The following PAPPA2 variants were observed in gnomAD, a reference collection of about 807,000 sequenced individuals.
The protein encoded by PAPPA2 is pappalysin-2.
In PAPPA2, 86 loss-of-function variants were observed where a neutral mutation model predicts 176.4. The ratio of observed to expected loss-of-function variants is 0.49; its 90% CI spans 0.41 to 0.58. The LOEUF (loss-of-function observed/expected upper bound fraction) is 0.58, where lower values mean the gene tolerates loss of function less well. Among genes scored for constraint, PAPPA2 ranks in the 20% least tolerant of loss-of-function variants. The probability of loss-of-function intolerance (pLI) is 0.00; values close to 1 mark genes in which losing one functional copy is unlikely to be tolerated. For missense variants in PAPPA2, 2,073 were observed against 2,256.9 expected, an observed-to-expected ratio of 0.92 and a Z score of 1.65; for synonymous variants, 809 against 852.2, an observed-to-expected ratio of 0.95 and a Z score of 0.88.
intron 2 of PAPPA2, among the ~76,000 whole-genome samples, chr1:176,558,676 A>AATGAG (rs1651474919): frequency 6.6e-6 from 1 of 152,166 alleles, no homozygotes; most frequent in Non-Finnish European, 1.5e-5. Context: ...TGGAAGAAAT[A>AATGAG]ATGAGATGAT....
rs57185368 is a variant in PAPPA2, at chr1:176,791,173, ATTTTTTTTT to A, written c.4885-154_4885-146del. Among the ~76,000 whole-genome samples the A allele has an allele frequency of 4.0e-4, 32 of 80,880 alleles. 1 individual carries two copies. Among genetic ancestry groups the A allele is most frequent in the African/African-American group, 1.7e-3 (28 of 16,586 alleles). The allele number at this position is 80,880 out of a possible 152,430, so 53.1% of individuals were successfully genotyped here. On this transcript the variant is annotated intron_variant, in intron 18 of 22. Transcript: ENST00000367662. The stretch of plus-strand genomic sequence containing the variant: ...TTCCTCTGCTTGGAAAAAGCAAAGA[ATTTTTTTTT>A]TTTTTTTTTTTTTTTTTTTGGCCAG...
chr1:176,709,780 C>T (rs532976668), intron 10 of PAPPA2, among the ~76,000 whole-genome samples: 1 of 152,208 alleles, frequency 6.6e-6, no homozygotes, highest in East Asian at 1.9e-4. Context: ...CTACCTTTCT[C>T]CCAATGAGAA....
intron 2 of PAPPA2, among the ~76,000 whole-genome samples, chr1:176,562,022 C>T (rs1355696793): frequency 1.3e-5 from 2 of 152,106 alleles, no homozygotes; most frequent in African/African-American, 2.4e-5. Context: ...AAAAACCCAC[C>T]CCCATGATTC....
Position 176,594,576 on chromosome 1 carries a change from G to C in PAPPA2, c.972G>C (p.Gly324=), listed in dbSNP as rs1436668161. 1.2e-6 allele frequency: 2 copies of C among 1,614,202 alleles called. No homozygotes were observed. Among genetic ancestry groups the C allele is most frequent in the Non-Finnish European group, 1.7e-6 (2 of 1,180,034 alleles). The change falls in exon 3 of 23, where the codon GGG becomes GGC. Residue 324 remains glycine, a synonymous_variant. Transcript: ENST00000367662. The stretch of plus-strand genomic sequence containing the variant: ...TCAGTGACAAAGGCTGGGCCCTGGG[G>C]ATCCGCTCAGGGAAGGACAAGGGAA... ...HTVSDKGWAL[G]IRSGKDKGKR...
chr1:176,589,905 C>T (rs1023014840), intron 2 of PAPPA2, among the ~76,000 whole-genome samples: 1 of 152,168 alleles, frequency 6.6e-6, no homozygotes, highest in African/African-American at 2.4e-5. Context: ...GTAATTTTTC[C>T]TTTGAAACAA....
rs886845212 is a variant in PAPPA2 at position 176,665,765 on chromosome 1, A to T, written c.1992-5205A>T. Reference sequence around the variant, plus strand: ...GAAACTCAACCCTTCTTGCAAATCTACTCATAGAAAAACAAGTCAACAGAT... The same window carrying T: ...GAAACTCAACCCTTCTTGCAAATCTTCTCATAGAAAAACAAGTCAACAGAT... On this transcript the variant is annotated intron_variant, in intron 3 of 22. Coordinates refer to ENST00000367662, the MANE Select transcript of PAPPA2 (RefSeq NM_020318.3). Among the ~76,000 whole-genome samples, 7 of 152,120 alleles carry T rather than the reference A, an allele frequency of 4.6e-5. No homozygotes were observed. The East Asian group carries it at 1.4e-3, about 29-fold the overall frequency.
chr1:176,711,733 C>A, intron 11 of PAPPA2, 102 bp from the exon 12 acceptor site: 3 of 1,336,474 alleles, frequency 2.2e-6, no homozygotes, highest in Non-Finnish European at 3.1e-6. Flanking sequence ...ATTAGGCATT[C>A]AGAAAGAGAG....
At chr1:176,603,196 T>A (rs1654421290) in intron 3 of PAPPA2, among the ~76,000 whole-genome samples, 1 of 152,222 alleles carries the variant, frequency 6.6e-6, no homozygotes, top group East Asian at 1.9e-4. Context: ...GGAGTTGGGG[T>A]GCTATCCCTG....
At chr1:176,474,462 C>G (rs889150028) in intron 1 of PAPPA2, among the ~76,000 whole-genome samples, 1 of 152,164 alleles carries the variant, frequency 6.6e-6, no homozygotes, top group Non-Finnish European at 1.5e-5. Context: ...AGGAAATGAG[C>G]TGGATGTTTT....
chr1:176,654,542 T>C (rs573262155), intron 3 of PAPPA2, among the ~76,000 whole-genome samples: 1 of 150,970 alleles, frequency 6.6e-6, no homozygotes, highest in Admixed American at 6.6e-5. Context: ...ATTTTTTTTT[T>C]CTTAGGACTG....
intron 3 of PAPPA2, among the ~76,000 whole-genome samples, chr1:176,667,278 G>A (rs1425742893): frequency 6.6e-6 from 1 of 151,926 alleles, no homozygotes; most frequent in African/African-American, 2.4e-5. Context: ...GAATAAGACT[G>A]TGTTTTCAGT....
chr1:176,555,550 C>T lies in PAPPA2; in HGVS notation c.-773C>T, dbSNP rs1056780123. 6.6e-6 allele frequency: 1 copy of T among 152,224 alleles called. No homozygotes were observed. Among genetic ancestry groups the T allele is most frequent in the Non-Finnish European group, 1.5e-5 (1 of 68,080 alleles). 9.4% of individuals were successfully genotyped at this position (152,224 alleles called of 1,614,324 possible). A position where few individuals can be genotyped will look rare whatever the true frequency, so the allele number is the denominator to read the frequency against. ...ATGAGGGATTAAAAGCCTTCAACAA[C>T]CAACAACCCCAAGCATCAAACTGAA... On this transcript the variant is annotated 5_prime_UTR_variant, in exon 2 of 23. Coordinates refer to ENST00000367662, the MANE Select transcript of PAPPA2 (RefSeq NM_020318.3).
chr1:176,716,095 A>G (rs1661355369), intron 12 of PAPPA2, among the ~76,000 whole-genome samples: 1 of 151,720 alleles, frequency 6.6e-6, no homozygotes, highest in Non-Finnish European at 1.5e-5. Context: ...ACTGGCCCCA[A>G]CTGTATTTGG....
At chr1:176,628,011 G>A (rs1242986135) in intron 3 of PAPPA2, among the ~76,000 whole-genome samples, 1 of 152,122 alleles carries the variant, frequency 6.6e-6, no homozygotes, top group Non-Finnish European at 1.5e-5. Flanking sequence ...AGAATGAATG[G>A]GCCAGAGAAA....
intron 1 of PAPPA2, among the ~76,000 whole-genome samples, chr1:176,545,932 A>G (rs1437646278): frequency 6.6e-6 from 1 of 152,108 alleles, no homozygotes; most frequent in Non-Finnish European, 1.5e-5. Context: ...ATGGAAATGT[A>G]ATTTCTTTGG....
At chr1:176,742,830 C>T (rs1223598749) in intron 14 of PAPPA2, among the ~76,000 whole-genome samples, 1 of 152,112 alleles carries the variant, frequency 6.6e-6, no homozygotes, top group Admixed American at 6.6e-5. Context: ...CCCCTTATGA[C>T]CTGAATTCCA....
At chr1:176,599,328 T>G (rs987702119) in intron 3 of PAPPA2, among the ~76,000 whole-genome samples, 7 of 152,136 alleles carry the variant, frequency 4.6e-5, no homozygotes, top group Non-Finnish European at 1.5e-5. Flanking sequence ...TGTTGAACAC[T>G]GTTCAATTTG....
chr1:176,704,631 C>T (rs908652596), intron 9 of PAPPA2, among the ~76,000 whole-genome samples: 2 of 151,962 alleles, frequency 1.3e-5, no homozygotes, highest in Non-Finnish European at 2.9e-5. Context: ...AAAACCAAAA[C>T]TCAGTTTGGT....
rs536703216 is a variant in PAPPA2 at position 176,570,301 on chromosome 1, G to T, written c.919+13060G>T. On this transcript the variant is annotated intron_variant, in intron 2 of 22. Coordinates refer to ENST00000367662, the MANE Select transcript of PAPPA2 (RefSeq NM_020318.3). ...GTTTTAAAAACTCTCTTTTGGGGGGGTGAAATTCTTTTAACATCAAATGTG... is the reference window on the plus strand; with the variant it reads ...GTTTTAAAAACTCTCTTTTGGGGGGTTGAAATTCTTTTAACATCAAATGTG... Among the ~76,000 whole-genome samples, 22 of 152,262 alleles carry T rather than the reference G, an allele frequency of 1.4e-4. No individual in the cohort carries two copies. In the South Asian group the frequency reaches 2.7e-3, roughly 19 times the overall value.
Sources: gnomAD v4.1 joint callset for allele counts (sites outside exome capture counted in the v4.1 genomes callset) on GRCh38, gnomAD v4.1.1 for gene constraint, MANE v1.5 for transcripts, NCBI Gene and HGNC (gene_info 2026-07-23, HGNC 2026-07-21) for gene names.